The following SLC6A11 variants were observed in gnomAD, a reference collection of about 807,000 sequenced individuals.
The protein encoded by SLC6A11 is solute carrier family 6 member 11.
Under a neutral mutation model 74.8 loss-of-function variants are expected in SLC6A11, and 25 were observed. That is an observed-to-expected ratio of 0.33 (90% confidence interval 0.24 to 0.47). The LOEUF (loss-of-function observed/expected upper bound fraction) is 0.47, where lower values mean the gene tolerates loss of function less well. Among genes scored for constraint, SLC6A11 ranks in the 20% least tolerant of loss-of-function variants. The pLI is 1.00. For synonymous variants in SLC6A11, 330 were observed against 330.2 expected (o/e 1.00, Z 0.01); for missense variants, 574 against 837.0 (o/e 0.69, Z 3.88).
At position 10,828,719 on chromosome 3, in the gene SLC6A11, A is replaced by T. The variant is rs1416865601; in HGVS notation, c.623+5327A>T. On this transcript the variant is annotated intron_variant, in intron 4 of 13. Transcript: ENST00000254488. Reference sequence around the variant, plus strand: ...GTCTTAATTCAAATGTCAGTGTCATATGGGGAGCCCTCCTTGACCATGCCC... The same window carrying T: ...GTCTTAATTCAAATGTCAGTGTCATTTGGGGAGCCCTCCTTGACCATGCCC... Among the ~76,000 whole-genome samples, 4 of 152,148 alleles carry T rather than the reference A, an allele frequency of 2.6e-5. No individual in the cohort carries two copies. In the South Asian group the frequency reaches 8.3e-4, roughly 32 times the overall value.
chr3:10,885,230 C>T (rs941171560), intron 6 of SLC6A11, among the ~76,000 whole-genome samples: 5 of 152,104 alleles, frequency 3.3e-5, no homozygotes, highest in Admixed American at 6.5e-5. Context: ...TTTTATACTA[C>T]GTAGTTGAAT....
intron 7 of SLC6A11, among the ~76,000 whole-genome samples, chr3:10,913,753 G>T (rs1043905651): frequency 6.6e-6 from 1 of 152,194 alleles, no homozygotes; most frequent in African/African-American, 2.4e-5. Flanking sequence ...GACTGCAGTG[G>T]CACGATCTCG....
intron 5 of SLC6A11, among the ~76,000 whole-genome samples, chr3:10,851,669 G>A (rs1335226293): frequency 2.0e-5 from 3 of 152,208 alleles, no homozygotes; most frequent in African/African-American, 4.8e-5. Context: ...CAGAAGGTGC[G>A]AATATCGTCC....
chr3:10,931,181 C>A lies in SLC6A11; in HGVS notation c.1371+1842C>A, dbSNP rs1057251237. 2.0e-5 allele frequency among the ~76,000 whole-genome samples: 3 copies of A among 152,198 alleles called. 1 individual carries two copies. Among genetic ancestry groups the A allele is most frequent in the Admixed American group, 2.0e-4 (3 of 15,284 alleles). ...AGCCCTTGACTAGCTGGCTAGATGA[C>A]CTGCAGAAGGTGTTGTCGCTGCTCC... On this transcript the variant is annotated intron_variant, in intron 10 of 13. Transcript: ENST00000254488.
intron 10 of SLC6A11, among the ~76,000 whole-genome samples, chr3:10,932,927 A>G (rs998511679): frequency 6.6e-6 from 1 of 152,102 alleles, no homozygotes; most frequent in African/African-American, 2.4e-5. Flanking sequence ...GGGCTGAGAC[A>G]AGACAAACCA....
At chr3:10,864,203 T>A (rs1221566780) in intron 5 of SLC6A11, among the ~76,000 whole-genome samples, 3 of 151,662 alleles carry the variant, frequency 2.0e-5, no homozygotes, top group Non-Finnish European at 4.4e-5. Flanking sequence ...GAGCCATGGG[T>A]GTAGGTGATC....
rs1694062666 is a variant in SLC6A11, at chr3:10,816,601, C to T, written c.256+80C>T. On this transcript the variant is annotated intron_variant, in intron 1 of 13. Transcript: ENST00000254488. The surrounding 1 kb of genome is among the most constrained non-coding windows in gnomAD (Gnocchi z 4.2). ...GGAGCCAGGGGCGAGCGCGAGACCC[C>T]CTCCCGCGCCTGCGTGGAGCGGAAC... 1.5e-6 allele frequency: 2 copies of T among 1,354,644 alleles called. No homozygotes were observed. The highest frequency in any genetic ancestry group is 1.6e-5 in the South Asian group (1 of 63,200). The allele number at this position is 1,354,644 out of a possible 1,614,324, so 83.9% of individuals were successfully genotyped here.
intron 5 of SLC6A11, among the ~76,000 whole-genome samples, chr3:10,873,185 G>A (rs1186053800): frequency 1.3e-5 from 2 of 152,162 alleles, no homozygotes; most frequent in African/African-American, 2.4e-5. Flanking sequence ...AGGAAGCTCA[G>A]AGGAGGTTTG....
At position 10,897,924 on chromosome 3, in the gene SLC6A11, C is replaced by G. The variant is rs139977062; in HGVS notation, c.892-14166C>G. Among the ~76,000 whole-genome samples the G allele has an allele frequency of 5.2e-3, 793 of 152,326 alleles. 9 individuals are homozygous for G. The highest frequency in any genetic ancestry group is 0.018 in the African/African-American group (747 of 41,566). On this transcript the variant is annotated intron_variant, in intron 6 of 13. Coordinates refer to ENST00000254488, the MANE Select transcript of SLC6A11 (RefSeq NM_014229.3). ...TGGACATCCAGGCATTTCCATACAT[C>G]TTCTGAAATCTAGGCAGAGGTTCCC...
At chr3:10,924,825 A>T (rs1329218584) in intron 8 of SLC6A11, among the ~76,000 whole-genome samples, 1 of 152,242 alleles carries the variant, frequency 6.6e-6, no homozygotes, top group African/African-American at 2.4e-5. Context: ...ATCTTAAAAG[A>T]CTGACAATAT....
chr3:10,920,156 G>A (rs1263884871), intron 8 of SLC6A11, among the ~76,000 whole-genome samples: 1 of 152,194 alleles, frequency 6.6e-6, no homozygotes, highest in Non-Finnish European at 1.5e-5. Context: ...CAGCACTGCT[G>A]TTGCTCATTT....
chr3:10,883,843 G>A (rs1695011009), intron 6 of SLC6A11, among the ~76,000 whole-genome samples: 2 of 151,986 alleles, frequency 1.3e-5, no homozygotes, highest in Non-Finnish European at 2.9e-5. Flanking sequence ...GCAAAGTAGT[G>A]GCCCTCACTG....
intron 5 of SLC6A11, among the ~76,000 whole-genome samples, chr3:10,861,279 G>A (rs62238738): frequency 0.06 from 9,196 of 152,282 alleles, 339 homozygotes; most frequent in East Asian, 0.14. Context: ...ATTTTGGGAG[G>A]CCAAGGTGGG....
In SLC6A11 at chr3:10,939,207, A is replaced by T. The variant is rs569144332; in HGVS notation, c.*805A>T. On this transcript the variant is annotated 3_prime_UTR_variant, in exon 14 of 14. Coordinates refer to ENST00000254488, the MANE Select transcript of SLC6A11 (RefSeq NM_014229.3). ...ATTTAAAATCAAGTTTATTGTAGAAATGGTGTGGTGTTGATGTGTGTTTTC... is the reference window on the plus strand; with the variant it reads ...ATTTAAAATCAAGTTTATTGTAGAATTGGTGTGGTGTTGATGTGTGTTTTC... 12 of 152,282 alleles carry T rather than the reference A, an allele frequency of 7.9e-5. No individual in the cohort carries two copies. The highest frequency in any genetic ancestry group is 2.4e-4 in the African/African-American group (10 of 41,548). 9.4% of individuals were successfully genotyped at this position (152,282 alleles called of 1,614,324 possible). A position where few individuals can be genotyped will look rare whatever the true frequency, so the allele number is the denominator to read the frequency against.
intron 6 of SLC6A11, among the ~76,000 whole-genome samples, chr3:10,901,208 C>T (rs1413117048): frequency 6.6e-6 from 1 of 152,170 alleles, no homozygotes; most frequent in African/African-American, 2.4e-5. Flanking sequence ...CTGAGCCTCC[C>T]GTATTTAGCG....
chr3:10,868,439 G>T (rs2106599412), intron 5 of SLC6A11, among the ~76,000 whole-genome samples: 1 of 152,340 alleles, frequency 6.6e-6, no homozygotes, highest in Non-Finnish European at 1.5e-5. Context: ...GGATGTAAAT[G>T]AGCAATTAGC....
chr3:10,883,550 G>A (rs1488338311), intron 6 of SLC6A11, among the ~76,000 whole-genome samples: 2 of 152,110 alleles, frequency 1.3e-5, no homozygotes. Context: ...CTCTGGAGCT[G>A]GGATGAAAGA....
At chr3:10,932,125 C>T (rs1266257618) in intron 10 of SLC6A11, among the ~76,000 whole-genome samples, 8 of 152,142 alleles carry the variant, frequency 5.3e-5, no homozygotes, top group Non-Finnish European at 1.0e-4. Flanking sequence ...TTAGAGACCC[C>T]CGCTCTCCCT....
At chr3:10,888,544 A>G (rs1695070750) in intron 6 of SLC6A11, among the ~76,000 whole-genome samples, 1 of 152,242 alleles carries the variant, frequency 6.6e-6, no homozygotes, top group Non-Finnish European at 1.5e-5. Context: ...CAACACAGTA[A>G]GGAGACAGTG....
Sources: allele counts gnomAD v4.1 joint callset (sites outside exome capture counted in the v4.1 genomes callset), GRCh38; gene constraint gnomAD v4.1.1; non-coding constraint Gnocchi (gnomAD v3.1); transcripts MANE v1.5; gene names NCBI Gene and HGNC (gene_info 2026-07-23, HGNC 2026-07-21).